CREB5: variants seen among roughly 807,000 people sequenced by gnomAD.
CREB5 encodes the protein cAMP responsive element binding protein 5.
Under a neutral mutation model 57.1 loss-of-function variants are expected in CREB5, and 19 were observed. The observed-to-expected ratio is 0.33, with a 90% CI of 0.23 to 0.49. CREB5 has a LOEUF of 0.49. CREB5 is among the 20% of genes least tolerant of loss of function. CREB5 has a pLI of 0.99. For synonymous variants in CREB5, 238 were observed against 238.3 expected (o/e 1.00, Z 0.01); for missense variants, 579 against 671.6 (o/e 0.86, Z 1.52).
At chr7:28,321,756 T>C (rs904837600) in intron 1 of CREB5, among the ~76,000 whole-genome samples, 4 of 152,192 alleles carry the variant, frequency 2.6e-5, no homozygotes, top group Non-Finnish European at 5.9e-5. Flanking sequence ...ATTGTTCCAC[T>C]GGACTTCACT....
intron 5 of CREB5, among the ~76,000 whole-genome samples, chr7:28,588,881 A>G (rs1383688161): frequency 6.6e-6 from 1 of 152,144 alleles, no homozygotes; most frequent in African/African-American, 2.4e-5. Flanking sequence ...GTTGTTCTCC[A>G]AGCCTGTTTT....
intron 5 of CREB5, among the ~76,000 whole-genome samples, chr7:28,629,763 A>T (rs1798134933): frequency 6.6e-6 from 1 of 152,186 alleles, no homozygotes; most frequent in Non-Finnish European, 1.5e-5. Context: ...AAATTGTAAA[A>T]GTTAATTTTT....
intron 5 of CREB5, among the ~76,000 whole-genome samples, chr7:28,642,879 C>T (rs1267618959): frequency 6.6e-6 from 1 of 151,716 alleles, no homozygotes; most frequent in Non-Finnish European, 1.5e-5. Context: ...CACAAGCATG[C>T]TAAACCTTGG....
At chr7:28,334,072 T>C (rs1785767495) in intron 1 of CREB5, among the ~76,000 whole-genome samples, 1 of 152,216 alleles carries the variant, frequency 6.6e-6, no homozygotes, top group Non-Finnish European at 1.5e-5. Flanking sequence ...CTTTTTGATA[T>C]AAGCCATTTT....
chr7:28,792,174 A>G (rs901862458), intron 7 of CREB5, among the ~76,000 whole-genome samples: 1 of 151,994 alleles, frequency 6.6e-6, no homozygotes, highest in Non-Finnish European at 1.5e-5. Flanking sequence ...CATGGTTACA[A>G]TCGCCTGTAA....
At chr7:28,753,423 T>G (rs1023391557) in intron 7 of CREB5, among the ~76,000 whole-genome samples, 1 of 152,114 alleles carries the variant, frequency 6.6e-6, no homozygotes, top group Non-Finnish European at 1.5e-5. Context: ...GTAGAAATAC[T>G]GATGAGAGAG....
chr7:28,538,783 A>G (rs1296076457), intron 4 of CREB5, among the ~76,000 whole-genome samples: 2 of 144,418 alleles, frequency 1.4e-5, no homozygotes, highest in African/African-American at 5.9e-5. Flanking sequence ...CAAATTTGAT[A>G]TATTATGTTT....
At chr7:28,560,897 C>CGTGTGCGTGCGTGTGCGTGCGTGCGT (rs1334757992) in intron 4 of CREB5, among the ~76,000 whole-genome samples, 1 of 22,526 alleles carries the variant, frequency 4.4e-5, no homozygotes, top group Non-Finnish European at 9.2e-5. Flanking sequence ...CGTGTGTGTG[C>CGTGTGCGTGCGTGTGCGTGCGTGCGT]GTGCGCGCGT....
chr7:28,507,809 G>T (rs1792545553), intron 4 of CREB5, 72 bp downstream of exon 4: 2 of 1,481,158 alleles, frequency 1.4e-6, no homozygotes, highest in South Asian at 1.4e-5. Flanking sequence ...AGGTGGCACT[G>T]CACTGCAGAT....
At position 28,421,843 on chromosome 7, in the gene CREB5, C is replaced by T. The variant is rs1351759900; in HGVS notation, c.3+8926C>T. 1.3e-4 allele frequency among the ~76,000 whole-genome samples: 3 copies of T among 22,990 alleles called. No individual in the cohort carries two copies. In the Admixed American group the frequency reaches 1.5e-3, roughly 12 times the overall value. 15.1% of individuals were successfully genotyped at this position (22,990 alleles called of 152,430 possible). A position where few individuals can be genotyped will look rare whatever the true frequency, so the allele number is the denominator to read the frequency against. On this transcript the variant is annotated intron_variant, in intron 1 of 10. Transcript: ENST00000357727. The stretch of plus-strand genomic sequence containing the variant: ...GTGTGCATATATATATACACACACA[C>T]ACACTCTCTCTCTCTATATATACCA...
intron 1 of CREB5, among the ~76,000 whole-genome samples, chr7:28,382,741 C>T (rs536136270): frequency 2.6e-5 from 4 of 152,002 alleles, no homozygotes; most frequent in Admixed American, 2.0e-4. Context: ...CTATTCTCAA[C>T]ACCCCCCTCA....
chr7:28,617,138 GTC>G (rs1797623693), intron 5 of CREB5, among the ~76,000 whole-genome samples: 1 of 152,250 alleles, frequency 6.6e-6, no homozygotes, highest in Admixed American at 6.5e-5. Context: ...CCCATGGAAA[GTC>G]TGTTTGCTAT....
intron 4 of CREB5, among the ~76,000 whole-genome samples, chr7:28,509,187 C>T (rs1792600709): frequency 6.6e-6 from 1 of 152,140 alleles, no homozygotes; most frequent in Non-Finnish European, 1.5e-5. Context: ...GTATTTCATC[C>T]ATATTGTCTT....
intron 6 of CREB5, 40 bp downstream of exon 6, chr7:28,718,919 C>T: frequency 1.2e-6 from 2 of 1,612,768 alleles, no homozygotes; most frequent in South Asian, 1.1e-5. Flanking sequence ...TTGTCACTTG[C>T]ACTGAGGTTT....
chr7:28,773,662 G>A (rs149484864), intron 7 of CREB5, among the ~76,000 whole-genome samples: 1 of 152,248 alleles, frequency 6.6e-6, no homozygotes, highest in Non-Finnish European at 1.5e-5. Flanking sequence ...GCCATAGTTT[G>A]CCAATCCTGT....
chr7:28,515,295 T>C (rs1245613565), intron 4 of CREB5, among the ~76,000 whole-genome samples: 1 of 152,232 alleles, frequency 6.6e-6, no homozygotes, highest in African/African-American at 2.4e-5. Flanking sequence ...TTCTCTGACC[T>C]CTCTGGGTGT....
intron 1 of CREB5, among the ~76,000 whole-genome samples, chr7:28,337,570 T>A (rs1247329679): frequency 6.6e-6 from 1 of 152,098 alleles, no homozygotes; most frequent in Admixed American, 6.5e-5. Context: ...TCCTTTATTT[T>A]CAGTCTATAT....
At chr7:28,624,005 C>T (rs1452647986) in intron 5 of CREB5, among the ~76,000 whole-genome samples, 1 of 152,104 alleles carries the variant, frequency 6.6e-6, no homozygotes, top group East Asian at 1.9e-4. Flanking sequence ...TGACAACTTC[C>T]TCCATTATCA....
At chr7:28,707,137 C>A (rs931698567) in intron 5 of CREB5, among the ~76,000 whole-genome samples, 5 of 152,140 alleles carry the variant, frequency 3.3e-5, no homozygotes, top group East Asian at 1.9e-4. Context: ...GACACCCATA[C>A]CCCTCGGAGA....
Sources: gnomAD v4.1 joint callset for allele counts (sites outside exome capture counted in the v4.1 genomes callset) on GRCh38, gnomAD v4.1.1 for gene constraint, MANE v1.5 for transcripts, NCBI Gene and HGNC (gene_info 2026-07-23, HGNC 2026-07-21) for gene names.